Variants in LCLAT1 observed in about 807,000 individuals in gnomAD.
The protein encoded by LCLAT1 is 1-AGP acyltransferase 8.
Under a neutral mutation model 30.7 loss-of-function variants are expected in LCLAT1, and 11 were observed. That is an observed-to-expected ratio of 0.36 (90% CI 0.23 to 0.59). The LOEUF (loss-of-function observed/expected upper bound fraction) is 0.59. Among genes scored for constraint, LCLAT1 ranks in the 20% least tolerant of loss-of-function variants. The probability of loss-of-function intolerance (pLI) is 0.77; values close to 1 mark genes in which losing one functional copy is unlikely to be tolerated. For missense variants in LCLAT1, 402 were observed against 458.6 expected, an observed-to-expected ratio of 0.88 and a Z score of 1.13; for synonymous variants, 155 against 151.3, an observed-to-expected ratio of 1.02 and a Z score of -0.18.
intron 1 of LCLAT1, among the ~76,000 whole-genome samples, chr2:30,480,942 A>G (rs967150381): frequency 6.6e-6 from 1 of 152,224 alleles, no homozygotes; most frequent in Non-Finnish European, 1.5e-5. Flanking sequence ...GAGAGCCATA[A>G]ACGAAGCACT....
At chr2:30,570,539 G>C (rs770680790) in intron 5 of LCLAT1, among the ~76,000 whole-genome samples, 1 of 152,134 alleles carries the variant, frequency 6.6e-6, no homozygotes, top group Non-Finnish European at 1.5e-5. Context: ...AACTGAAGCA[G>C]AAATTGAGGT....
intron 5 of LCLAT1, among the ~76,000 whole-genome samples, chr2:30,577,297 C>T (rs1340645453): frequency 1.3e-5 from 2 of 151,956 alleles, no homozygotes; most frequent in African/African-American, 4.8e-5. Context: ...TCAGTAACTT[C>T]TAAATCAGCA....
chr2:30,536,938 A>G (rs943310833), intron 3 of LCLAT1, among the ~76,000 whole-genome samples: 3 of 152,250 alleles, frequency 2.0e-5, no homozygotes, highest in African/African-American at 4.8e-5. Context: ...TTTTAAAAAT[A>G]CAAAGCAGGA....
chr2:30,457,623 C>T (rs1364228437), intron 1 of LCLAT1, among the ~76,000 whole-genome samples: 2 of 152,188 alleles, frequency 1.3e-5, no homozygotes, highest in African/African-American at 4.8e-5. Context: ...AAGTATGTGT[C>T]TGCTCTTTGG....
intron 2 of LCLAT1, among the ~76,000 whole-genome samples, chr2:30,532,710 T>C (rs759552820): frequency 1.3e-5 from 2 of 152,110 alleles, no homozygotes; most frequent in Non-Finnish European, 2.9e-5. Flanking sequence ...GTGAACAGTT[T>C]ACCTTTCCGG....
chr2:30,617,451 G>A (rs113594918), intron 5 of LCLAT1, among the ~76,000 whole-genome samples: 2,035 of 152,170 alleles, frequency 0.013, 36 homozygotes, highest in African/African-American at 0.046. Flanking sequence ...AGACACCTGC[G>A]TTATTTACAA....
At chr2:30,535,555 A>G (rs539638942) in intron 3 of LCLAT1, among the ~76,000 whole-genome samples, 48 of 152,362 alleles carry the variant, frequency 3.2e-4, no homozygotes, top group African/African-American at 1.2e-3. Flanking sequence ...AATGATGTTG[A>G]TAAAAGCTGA....
chr2:30,576,890 A>G (rs1666012734), intron 5 of LCLAT1, among the ~76,000 whole-genome samples: 1 of 151,776 alleles, frequency 6.6e-6, no homozygotes, highest in Non-Finnish European at 1.5e-5. Context: ...GAGTATTGCA[A>G]AGTAATATTA....
At chr2:30,620,810 A>G (rs1381282947) in intron 5 of LCLAT1, among the ~76,000 whole-genome samples, 1 of 152,184 alleles carries the variant, frequency 6.6e-6, no homozygotes, top group African/African-American at 2.4e-5. Context: ...TGGAGACTAG[A>G]AATTCAAAAT....
chr2:30,519,864 T>A (rs1396937157), intron 1 of LCLAT1, among the ~76,000 whole-genome samples: 4 of 152,182 alleles, frequency 2.6e-5, no homozygotes, highest in Non-Finnish European at 5.9e-5. Flanking sequence ...CTGTTCGAGC[T>A]GAGCTTTTGC....
chr2:30,617,101 T>TAAATGTA (rs1345907025), intron 5 of LCLAT1, among the ~76,000 whole-genome samples: 1 of 152,170 alleles, frequency 6.6e-6, no homozygotes, highest in Non-Finnish European at 1.5e-5. Flanking sequence ...TGTGTTTTAT[T>TAAATGTA]AAATGTATAG....
Position 30,640,773 on chromosome 2 carries a change from A to C in LCLAT1, c.*154A>C. ...ATTTTGCACTTAATTTTGTGGGAAA[A>C]ATATTGCTACAATTTTTTTTAATCT... On this transcript the variant is annotated 3_prime_UTR_variant, in exon 6 of 6. Transcript: ENST00000379509. The C allele has an allele frequency of 2.1e-6, 2 of 939,940 alleles. No individual in the cohort carries two copies. The highest frequency in any genetic ancestry group is 3.1e-6 in the Non-Finnish European group (2 of 652,118). The allele number at this position is 939,940 out of a possible 1,614,324, so 58.2% of individuals were successfully genotyped here.
At position 30,456,168 on chromosome 2, in the gene LCLAT1, G is replaced by T. The variant is rs146100045; in HGVS notation, c.-5+8785G>T. The stretch of plus-strand genomic sequence containing the variant: ...GAACTGATCCATTGACACACAAAGT[G>T]GGTGTCCTCATTACTACTGGGCAAG... On this transcript the variant is annotated intron_variant, in intron 1 of 5. Transcript: ENST00000379509. Among the ~76,000 whole-genome samples, 3 of 152,292 alleles carry T rather than the reference G, an allele frequency of 2.0e-5. No homozygotes were observed. The East Asian group carries it at 5.8e-4, about 29-fold the overall frequency.
chr2:30,497,595 C>G (rs1391572446), intron 1 of LCLAT1, among the ~76,000 whole-genome samples: 3 of 152,094 alleles, frequency 2.0e-5, no homozygotes. Flanking sequence ...CACTTTTGGA[C>G]TTAATGCTTT....
chr2:30,510,464 CT>C (rs373755496), intron 1 of LCLAT1, among the ~76,000 whole-genome samples: 14 of 152,220 alleles, frequency 9.2e-5, no homozygotes, highest in African/African-American at 3.4e-4. Flanking sequence ...ATTTTTAATC[CT>C]TTGTATGTAA....
At chr2:30,598,414 C>CTTTTTTTTTTTTT (rs58514140) in intron 5 of LCLAT1, among the ~76,000 whole-genome samples, 2 of 135,948 alleles carry the variant, frequency 1.5e-5, no homozygotes, top group South Asian at 2.3e-4. Flanking sequence ...TCTAGATTTT[C>CTTTTTTTTTTTTT]TTTTTTTTTT....
chr2:30,464,606 A>G (rs570124131), intron 1 of LCLAT1, among the ~76,000 whole-genome samples: 3 of 152,194 alleles, frequency 2.0e-5, no homozygotes, highest in Non-Finnish European at 2.9e-5. Flanking sequence ...AGGTAGTTTG[A>G]GACTACAAAA....
In LCLAT1 at chr2:30,525,606, G is replaced by C; in HGVS notation, c.16G>C (p.Gly6Arg). 1 of 1,613,550 alleles carries C rather than the reference G, an allele frequency of 6.2e-7. No homozygotes were observed. The stretch of plus-strand genomic sequence containing the variant: ...TTTCAGAATCATGGTGTCATGGAAA[G>C]GGATTTACTTTATACTGACTCTGTT... MVSWK[G>R]IYFILTLFWG... The change falls in exon 2 of 6, where the codon GGG becomes CGG. Residue 6 changes from glycine (G) to arginine (R), a missense_variant. Physicochemically the swap from Gly to Arg is moderately radical, Grantham distance 125. Coordinates refer to ENST00000379509, the MANE Select transcript of LCLAT1 (RefSeq NM_001002257.3).
intron 1 of LCLAT1, among the ~76,000 whole-genome samples, chr2:30,473,070 G>T (rs1264548573): frequency 6.6e-6 from 1 of 152,138 alleles, no homozygotes; most frequent in Non-Finnish European, 1.5e-5. Context: ...GGCCTCACCA[G>T]TCAGGAGAGA....
Sources: allele counts gnomAD v4.1 joint callset (sites outside exome capture counted in the v4.1 genomes callset), GRCh38; gene constraint gnomAD v4.1.1; transcripts MANE v1.5; gene names NCBI Gene and HGNC (gene_info 2026-07-23, HGNC 2026-07-21).